MYO7B: variants seen among roughly 807,000 people sequenced by gnomAD.
The protein encoded by MYO7B is myosin VIIB, also known as unconventional myosin-VIIb.
A neutral mutation model predicts 259.7 loss-of-function variants in MYO7B; 212 were observed. The observed-to-expected ratio is 0.82, with a 90% CI of 0.73 to 0.91. The LOEUF is 0.91. MYO7B is among the 40% of genes least tolerant of loss of function. The pLI is 0.00. For synonymous variants in MYO7B, 1,197 were observed against 1,166.4 expected, an observed-to-expected ratio of 1.03 and a Z score of -0.54; for missense variants, 2,732 against 2,813.5, an observed-to-expected ratio of 0.97 and a Z score of 0.66.
At chr2:127,549,991 T>C (rs1178015039) in intron 1 of MYO7B, among the ~76,000 whole-genome samples, 1 of 152,196 alleles carries the variant, frequency 6.6e-6, no homozygotes, top group Non-Finnish European at 1.5e-5. Context: ...CAGCTATTTT[T>C]AAGAAGCTAG....
At chr2:127,569,673 AG>A in intron 5 of MYO7B, 115 bp from the exon 6 acceptor site, 4 of 1,317,762 alleles carry the variant, frequency 3.0e-6, no homozygotes, top group Non-Finnish European at 4.1e-6. Context: ...TGCAGGGGAG[AG>A]GCCATCCCTG....
intron 16 of MYO7B, among the ~76,000 whole-genome samples, chr2:127,592,257 T>C (rs1679585841): frequency 6.6e-6 from 1 of 152,028 alleles, no homozygotes; most frequent in Non-Finnish European, 1.5e-5. Flanking sequence ...TACCCGGGCG[T>C]GGTGCTACAC....
chr2:127,618,973 ACTGGTTGGATCGTGGGGG>A (rs1437890170), intron 26 of MYO7B, among the ~76,000 whole-genome samples: 2 of 149,950 alleles, frequency 1.3e-5, no homozygotes, highest in Non-Finnish European at 3.0e-5. Context: ...GCATGTGGGC[ACTGGTTGGATCGTGGGGG>A]CTGGTTGGAT....
Position 127,580,804 on chromosome 2 carries a change from C to G in MYO7B, c.1062C>G (p.Thr354=), listed in dbSNP as rs553574813. The change falls in exon 10 of 48, where the codon ACC becomes ACG. Residue 354 remains threonine, a synonymous_variant. Transcript: ENST00000409816. ...TGATGGAGACGCCCGCCTTTCCCAC[C>G]GTGATGAAGTTACTGGAGGTAGGGG... ...SDVMETPAFP[T]VMKLLEVQHQ... 1.1e-4 allele frequency: 170 copies of G among 1,613,416 alleles called. 1 individual carries two copies. In the South Asian group the frequency reaches 1.8e-3, roughly 17 times the overall value.
chr2:127,636,893 C>G lies in MYO7B; in HGVS notation c.6307C>G (p.Leu2103Val). ...GGGGAGCCTGGGCCGTGGCAGCCGC[C>G]TGCTGTGCGAGACCTCCCTGGTGAG... ...ALGSLGRGSR[L>V]LCETSLGYKM... Residue 2103 changes from leucine (L) to valine (V), a missense_variant, in exon 47 of 48, where the codon CTG becomes GTG. Physicochemically the swap from Leu to Val is conservative, Grantham distance 32. Around this residue, in one of 3 missense-constraint regions of MYO7B, gnomAD observed 821 missense variants for 769.3 expected, o/e 1.07. Coordinates refer to ENST00000409816, the MANE Select transcript of MYO7B (RefSeq NM_001393586.1). This position sits in a 1 kb window ranked among gnomAD's most constrained non-coding sequence, Gnocchi z 4.5. 6.2e-7 allele frequency: 1 copy of G among 1,613,210 alleles called. No individual in the cohort carries two copies. Among genetic ancestry groups the G allele is most frequent in the South Asian group, 1.1e-5 (1 of 91,086 alleles).
chr2:127,569,717 G>C, intron 5 of MYO7B, 72 bp from the exon 6 acceptor site: 1 of 1,535,552 alleles, frequency 6.5e-7, no homozygotes, highest in Non-Finnish European at 8.8e-7. Flanking sequence ...ACTGGGGTTT[G>C]CAGGAGAGTT....
intron 43 of MYO7B, 75 bp from the exon 44 acceptor site, chr2:127,635,647 T>A: frequency 6.8e-7 from 1 of 1,460,038 alleles, no homozygotes; most frequent in Non-Finnish European, 9.3e-7. Flanking sequence ...TTCCCCACCA[T>A]CTGAGCGGGA....
chr2:127,548,712 C>G (rs530262967), intron 1 of MYO7B, among the ~76,000 whole-genome samples: 13 of 152,258 alleles, frequency 8.5e-5, no homozygotes, highest in Non-Finnish European at 1.8e-4. Context: ...CCACGCCCGG[C>G]CTCTAGATTT....
chr2:127,610,809 C>T (rs1184425791), intron 24 of MYO7B, among the ~76,000 whole-genome samples: 3 of 152,242 alleles, frequency 2.0e-5, no homozygotes, highest in Non-Finnish European at 4.4e-5. Flanking sequence ...AGCCCCATCA[C>T]ATGGCCAACC....
chr2:127,559,603 T>G lies in MYO7B; in HGVS notation c.-23-97T>G. On this transcript the variant is annotated intron_variant, in intron 1 of 47. Coordinates refer to ENST00000409816, the MANE Select transcript of MYO7B (RefSeq NM_001393586.1). This position sits in a 1 kb window ranked among gnomAD's most constrained non-coding sequence, Gnocchi z 4.1. Reference sequence around the variant, plus strand: ...TGAGCCAGGTCCCATGCCGGGCACTTAGGGAAGTGTTGGTGAACAAGCCCA... The same window carrying G: ...TGAGCCAGGTCCCATGCCGGGCACTGAGGGAAGTGTTGGTGAACAAGCCCA... 9.0e-7 allele frequency: 1 copy of G among 1,111,548 alleles called. No individual in the cohort carries two copies. The highest frequency in any genetic ancestry group is 1.4e-6 in the Non-Finnish European group (1 of 727,166). 68.9% of individuals were successfully genotyped at this position (1,111,548 alleles called of 1,614,324 possible).
In MYO7B at chr2:127,605,892, G is replaced by A. The variant is rs1462219634; in HGVS notation, c.2388G>A (p.Trp796Ter). ...QRRAAVTLQA[W>*]WRGYCNRRNF... ...GGGCAGCTGTGACCCTGCAGGCCTG[G>A]TGGAGAGGCTACTGCAACAGGAGGA... Residue 796 changes from tryptophan (W) to a stop codon, truncating the protein, a stop_gained, in exon 20 of 48, where the codon TGG becomes TGA. Coordinates refer to ENST00000409816, the MANE Select transcript of MYO7B (RefSeq NM_001393586.1). LOFTEE classifies it high-confidence loss of function. 2.5e-6 allele frequency: 4 copies of A among 1,613,676 alleles called. No homozygotes were observed. In the African/African-American group the frequency reaches 4.0e-5, roughly 16 times the overall value.
chr2:127,573,812 C>T (rs940332012), intron 6 of MYO7B, 108 bp from the exon 7 acceptor site: 21 of 1,420,580 alleles, frequency 1.5e-5, no homozygotes, highest in African/African-American at 2.8e-5. Flanking sequence ...GCCCATTCTT[C>T]AATTCGAGGC....
At chr2:127,618,367 C>T (rs539736210) in intron 26 of MYO7B, among the ~76,000 whole-genome samples, 14 of 152,258 alleles carry the variant, frequency 9.2e-5, no homozygotes, top group Admixed American at 1.3e-4. Context: ...GCCCCCACCC[C>T]AAGCTTCTTC....
chr2:127,635,992 A>C, intron 44 of MYO7B, 85 bp downstream of exon 44: 1 of 1,465,784 alleles, frequency 6.8e-7, no homozygotes, highest in Admixed American at 2.1e-5. Context: ...CCTGGGCTCC[A>C]AGATCACATG....
Position 127,584,320 on chromosome 2 carries a change from C to T in MYO7B, c.1542C>T (p.Ser514=). 6.2e-7 allele frequency: 1 copy of T among 1,613,918 alleles called. No individual in the cohort carries two copies. Among genetic ancestry groups the T allele is most frequent in the East Asian group, 2.2e-5 (1 of 44,874 alleles). The change falls in exon 13 of 48, where the codon AGC becomes AGT. Residue 514 remains serine, a synonymous_variant. Coordinates refer to ENST00000409816, the MANE Select transcript of MYO7B (RefSeq NM_001393586.1). This position sits in a 1 kb window ranked among gnomAD's most constrained non-coding sequence, Gnocchi z 5.8. ...TCATCTCCCTCCTGGACGAAGAAAG[C>T]CGCTTCCCGCAGGTGTGTGTTCGGG... ...MSIISLLDEE[S]RFPQGTDLTM... is the part of the protein sequence containing the mutation.
rs147842033 is a variant in MYO7B, at chr2:127,636,433, G to A, written c.6123+109G>A. ...ACATCTTGGGTGGGGCTGGCCGTGA[G>A]GCTGGAGGGCGTGGGTGTATGTGTG... On this transcript the variant is annotated intron_variant, in intron 45 of 47. Coordinates refer to ENST00000409816, the MANE Select transcript of MYO7B (RefSeq NM_001393586.1). This position sits in a 1 kb window ranked among gnomAD's most constrained non-coding sequence, Gnocchi z 4.5. The A allele has an allele frequency of 1.8e-4, 259 of 1,428,430 alleles. No homozygotes were observed. The highest frequency in any genetic ancestry group is 2.2e-4 in the Non-Finnish European group (224 of 1,025,506). 88.5% of individuals were successfully genotyped at this position (1,428,430 alleles called of 1,614,324 possible).
chr2:127,566,698 A>G lies in MYO7B; in HGVS notation c.341A>G (p.Tyr114Cys). 1 of 1,609,888 alleles carries G rather than the reference A, an allele frequency of 6.2e-7. No individual in the cohort carries two copies. The highest frequency in any genetic ancestry group is 8.5e-7 in the Non-Finnish European group (1 of 1,178,728). The change falls in exon 5 of 48, where the codon TAC (tyrosine) becomes TGC (cysteine). Residue 114 changes from tyrosine to cysteine, a missense_variant. This residue lies in a region of MYO7B where 1,906 missense variants were observed against 2,026.4 expected (regional missense o/e 0.94). Coordinates refer to ENST00000409816, the MANE Select transcript of MYO7B (RefSeq NM_001393586.1). ...AACCCGTTCCAGGTGCTGCCGCTCT[A>G]CACCCTGGAGCAGGTACAGCTCTAC... ...AVNPFQVLPL[Y>C]TLEQVQLYYS...
At chr2:127,604,696 A>G (rs1680098417) in intron 19 of MYO7B, among the ~76,000 whole-genome samples, 2 of 152,202 alleles carry the variant, frequency 1.3e-5, no homozygotes, top group Admixed American at 1.3e-4. Context: ...AGGCCATTAT[A>G]GAGTTATTAA....
rs1558852960 is a variant in MYO7B, at chr2:127,631,686, C to T, written c.5182C>T (p.Gln1728Ter). The T allele has an allele frequency of 1.9e-6, 3 of 1,612,944 alleles. No individual in the cohort carries two copies. The highest frequency in any genetic ancestry group is 2.2e-5 in the East Asian group (1 of 44,900). ...CGACCAGATCTTCACACTGGCCCTG[C>T]AGCACCCGGCCCTCCAGGACGAGGT... ...LTDQIFTLAL[Q>*]HPALQDEVYC... The change falls in exon 38 of 48, where the codon CAG becomes TAG. Residue 1728 changes from glutamine (Q) to a stop codon, truncating the protein, a stop_gained. Transcript: ENST00000409816. LOFTEE classifies it high-confidence loss of function.
Sources: gnomAD v4.1 joint callset for allele counts (sites outside exome capture counted in the v4.1 genomes callset) on GRCh38, gnomAD v4.1.1 for gene constraint, gnomAD v4.1.1 regional missense constraint, Gnocchi (gnomAD v3.1) non-coding constraint, MANE v1.5 for transcripts, NCBI Gene and HGNC (gene_info 2026-07-23, HGNC 2026-07-21) for gene names.